ADAMTS3: variants seen among roughly 807,000 people sequenced by gnomAD.
ADAMTS3 encodes A disintegrin and metalloproteinase with thrombospondin motifs 3.
In ADAMTS3, 73 loss-of-function variants were observed where a neutral mutation model predicts 129.0. The observed-to-expected ratio is 0.57, with a 90% CI of 0.47 to 0.69. The LOEUF is 0.69. Ranked by LOEUF, ADAMTS3 falls within the 30% of genes least tolerant of loss-of-function variation. The pLI is 0.00. For synonymous variants in ADAMTS3, 477 were observed against 510.8 expected (o/e 0.93, Z 0.89); for missense variants, 1,457 against 1,514.5 (o/e 0.96, Z 0.63).
chr4:72,377,212 TA>T (rs1374933463), intron 4 of ADAMTS3, among the ~76,000 whole-genome samples: 24 of 152,234 alleles, frequency 1.6e-4, no homozygotes, highest in Admixed American at 1.6e-3. Flanking sequence ...GCCTCACTGG[TA>T]ATTAAATGTT....
At chr4:72,336,708 A>G (rs1719998817) in intron 5 of ADAMTS3, among the ~76,000 whole-genome samples, 1 of 152,146 alleles carries the variant, frequency 6.6e-6, no homozygotes, top group African/African-American at 2.4e-5. Flanking sequence ...AATTTAGAAC[A>G]AGGTTTCTAA....
intron 5 of ADAMTS3, among the ~76,000 whole-genome samples, chr4:72,327,372 T>G (rs1719725930): frequency 6.6e-6 from 1 of 152,188 alleles, no homozygotes; most frequent in Admixed American, 6.5e-5. Flanking sequence ...AAGTAATTTT[T>G]CTGAAGTAAA....
At chr4:72,449,801 T>TTA (rs2109968610) in intron 3 of ADAMTS3, among the ~76,000 whole-genome samples, 1 of 151,888 alleles carries the variant, frequency 6.6e-6, no homozygotes, top group East Asian at 2.0e-4. Context: ...ACTCACTTTC[T>TTA]TACTCGTCCT....
Position 72,312,446 on chromosome 4 carries a change from T to C in ADAMTS3, c.1766A>G (p.Asp589Gly), listed in dbSNP as rs142857938. 3 of 1,613,318 alleles carry C rather than the reference T, an allele frequency of 1.9e-6. No individual in the cohort carries two copies. The highest frequency in any genetic ancestry group is 2.5e-6 in the Non-Finnish European group (3 of 1,179,614). ...NNPMPINGGQ[D>G]CPGVNFEYQL... ...GTACTCAAAATTAACACCAGGACAATCCTGACCACCATTGATGGGCCTAAA... is the reference window on the plus strand; with the variant it reads ...GTACTCAAAATTAACACCAGGACAACCCTGACCACCATTGATGGGCCTAAA... Residue 589 changes from aspartate (D) to glycine (G), a missense_variant, in exon 13 of 22, where the codon GAT becomes GGT. By Grantham distance (94) the Asp-to-Gly change is moderately conservative (BLOSUM62 -1). Coordinates refer to ENST00000286657, the MANE Select transcript of ADAMTS3 (RefSeq NM_014243.3).
intron 5 of ADAMTS3, among the ~76,000 whole-genome samples, chr4:72,325,199 C>A (rs746370190): frequency 3.9e-5 from 6 of 151,980 alleles, no homozygotes; most frequent in Non-Finnish European, 4.4e-5. Context: ...AAACTTAAAA[C>A]CATTCACATT....
intron 3 of ADAMTS3, among the ~76,000 whole-genome samples, chr4:72,463,056 T>A (rs1718815906): frequency 6.6e-6 from 1 of 151,964 alleles, no homozygotes; most frequent in East Asian, 1.9e-4. Context: ...TATATAGGTG[T>A]ACCATTTTTA....
intron 4 of ADAMTS3, among the ~76,000 whole-genome samples, chr4:72,370,553 G>T (rs1370443479): frequency 6.6e-6 from 1 of 152,042 alleles, no homozygotes; most frequent in Non-Finnish European, 1.5e-5. Context: ...ACAGAGACCA[G>T]CTGGGCCAAC....
intron 3 of ADAMTS3, among the ~76,000 whole-genome samples, chr4:72,488,314 A>G (rs1407814115): frequency 1.3e-5 from 2 of 151,948 alleles, no homozygotes; most frequent in Non-Finnish European, 2.9e-5. Context: ...TATATTCCAG[A>G]TTACACTGCT....
At chr4:72,467,816 A>G (rs17725307) in intron 3 of ADAMTS3, among the ~76,000 whole-genome samples, 4,736 of 151,900 alleles carry the variant, frequency 0.031, 110 homozygotes, top group Non-Finnish European at 0.048. Context: ...CTTGTATAGC[A>G]CTCCCCATAG....
At chr4:72,302,273 A>C (rs2109786271) in intron 17 of ADAMTS3, among the ~76,000 whole-genome samples, 1 of 147,938 alleles carries the variant, frequency 6.8e-6, no homozygotes, top group South Asian at 2.2e-4. Flanking sequence ...ATGAGTGAAC[A>C]TTATGAAAAA....
At chr4:72,332,770 T>A (rs1304214586) in intron 5 of ADAMTS3, among the ~76,000 whole-genome samples, 1 of 152,170 alleles carries the variant, frequency 6.6e-6, no homozygotes, top group Non-Finnish European at 1.5e-5. Flanking sequence ...ATCTGCCTCA[T>A]CAGCCTGTTA....
intron 4 of ADAMTS3, among the ~76,000 whole-genome samples, chr4:72,386,455 ATC>A (rs1177283946): frequency 3.3e-5 from 5 of 152,350 alleles, no homozygotes; most frequent in Non-Finnish European, 7.3e-5. Flanking sequence ...AAAGCAAGGA[ATC>A]TGTGTTCCTT....
intron 4 of ADAMTS3, among the ~76,000 whole-genome samples, chr4:72,357,906 GA>G (rs1483842462): frequency 6.6e-6 from 1 of 151,882 alleles, no homozygotes; most frequent in African/African-American, 2.4e-5. Flanking sequence ...ATAGAAATAT[GA>G]CTTTGTAGAA....
intron 4 of ADAMTS3, among the ~76,000 whole-genome samples, chr4:72,395,217 G>C (rs1399616086): frequency 6.6e-6 from 1 of 152,084 alleles, no homozygotes; most frequent in Admixed American, 6.5e-5. Flanking sequence ...GAGCCCAGCT[G>C]CACATATGGC....
intron 4 of ADAMTS3, among the ~76,000 whole-genome samples, chr4:72,379,427 T>C (rs927295861): frequency 9.2e-6 from 1 of 109,098 alleles, no homozygotes; most frequent in Non-Finnish European, 1.8e-5. Flanking sequence ...ATGTAGTAAA[T>C]AAACAGTTTG....
rs1275294371 is a variant in ADAMTS3 at position 72,542,294 on chromosome 4, C to A, written c.504+6184G>T. Among the ~76,000 whole-genome samples the A allele has an allele frequency of 2.6e-5, 4 of 151,804 alleles. No individual in the cohort carries two copies. The East Asian group carries it at 7.8e-4, about 29-fold the overall frequency. On this transcript the variant is annotated intron_variant, in intron 3 of 21. Transcript: ENST00000286657. The stretch of plus-strand genomic sequence containing the variant: ...ATTCTCCTATCTCAGCCTCCCGAGT[C>A]GCTGGGACTACAGGCGCCCACCACC...
chr4:72,363,594 T>C (rs1166979482), intron 4 of ADAMTS3, among the ~76,000 whole-genome samples: 2 of 152,204 alleles, frequency 1.3e-5, no homozygotes, highest in African/African-American at 4.8e-5. Flanking sequence ...TTTGTTTGTT[T>C]TGTTTTCAAA....
At position 72,548,573 on chromosome 4, in the gene ADAMTS3, G is replaced by A. The variant is rs150652042; in HGVS notation, c.409C>T (p.Arg137Trp). ...TTAGTCTGCAAAGGCTCTGTTCTCC[G>A]GATTCTATACGTAGCACTTCCTGGT... ...HQPGSATYRI[R>W]RTEPLQTNCA... The change falls in exon 3 of 22, where the codon CGG becomes TGG. Residue 137 changes from arginine to tryptophan, a missense_variant. Physicochemically the swap from Arg to Trp is moderately radical, Grantham distance 101. Transcript: ENST00000286657. The A allele has an allele frequency of 1.0e-4, 168 of 1,613,802 alleles. No individual in the cohort carries two copies. Among genetic ancestry groups the A allele is most frequent in the East Asian group, 1.3e-4 (6 of 44,878 alleles).
rs72853038 is a variant in ADAMTS3 at position 72,493,390 on chromosome 4, C to T, written c.504+55088G>A. ...CTTTATCTTTTGTGTGCCTATTACA[C>T]GCTTTTTCTTTGTGGTTAGCTCATG... On this transcript the variant is annotated intron_variant, in intron 3 of 21. Transcript: ENST00000286657. Among the ~76,000 whole-genome samples the T allele has an allele frequency of 5.5e-3, 833 of 151,934 alleles. 12 individuals carry two copies. Among genetic ancestry groups the T allele is most frequent in the African/African-American group, 0.019 (785 of 41,500 alleles).
Sources: allele counts gnomAD v4.1 joint callset (sites outside exome capture counted in the v4.1 genomes callset), GRCh38; gene constraint gnomAD v4.1.1; transcripts MANE v1.5; gene names NCBI Gene and HGNC (gene_info 2026-07-23, HGNC 2026-07-21).